Variants in GMDS observed in about 807,000 individuals in gnomAD.
The protein encoded by GMDS is GDP-mannose 4,6-dehydratase.
In GMDS, 20 loss-of-function variants were observed where a neutral mutation model predicts 49.9. The observed-to-expected ratio is 0.40, with a 90% confidence interval of 0.28 to 0.58. GMDS has a LOEUF of 0.58. Among genes scored for constraint, GMDS ranks in the 20% least tolerant of loss-of-function variants. The pLI is 0.42. For synonymous variants in GMDS, 177 were observed against 178.6 expected (o/e 0.99, Z 0.07); for missense variants, 362 against 481.4 (o/e 0.75, Z 2.32).
intron 7 of GMDS, among the ~76,000 whole-genome samples, chr6:1,929,293 G>T (rs1263315003): frequency 2.0e-5 from 3 of 152,180 alleles, no homozygotes; most frequent in African/African-American, 7.2e-5. Flanking sequence ...GGAAATCTGT[G>T]AGCACTTGAA....
At chr6:2,001,346 T>C (rs1766807720) in intron 4 of GMDS, among the ~76,000 whole-genome samples, 1 of 152,206 alleles carries the variant, frequency 6.6e-6, no homozygotes, top group African/African-American at 2.4e-5. Flanking sequence ...GTTGTCTTTT[T>C]ATTACTGAGT....
chr6:1,723,451 T>C (rs1475679655), intron 9 of GMDS, among the ~76,000 whole-genome samples: 1 of 151,784 alleles, frequency 6.6e-6, no homozygotes, highest in Non-Finnish European at 1.5e-5. Context: ...CTCAGCCTCC[T>C]GAGTAGCTGG....
chr6:2,003,201 C>A (rs537406184), intron 4 of GMDS, among the ~76,000 whole-genome samples: 10 of 152,038 alleles, frequency 6.6e-5, no homozygotes, highest in African/African-American at 2.4e-4. Flanking sequence ...AAAACCTTGA[C>A]GACAATGTTG....
intron 1 of GMDS, among the ~76,000 whole-genome samples, chr6:2,226,141 G>C (rs1266908229): frequency 6.6e-6 from 1 of 152,188 alleles, no homozygotes; most frequent in East Asian, 1.9e-4. Flanking sequence ...CCAACACTGA[G>C]CCAGGCCATC....
intron 7 of GMDS, among the ~76,000 whole-genome samples, chr6:1,832,399 C>CAAA (rs34145877): frequency 1.3e-5 from 2 of 151,070 alleles, no homozygotes; most frequent in East Asian, 2.0e-4. Flanking sequence ...TATACCCCTA[C>CAAA]AAAAAAAACA....
At chr6:1,698,353 G>A (rs781229274) in intron 9 of GMDS, among the ~76,000 whole-genome samples, 6 of 152,184 alleles carry the variant, frequency 3.9e-5, no homozygotes, top group Admixed American at 6.5e-5. Flanking sequence ...TCTTTTAAAC[G>A]CAAACCTGGT....
At chr6:1,783,340 G>C (rs554965846) in intron 7 of GMDS, among the ~76,000 whole-genome samples, 31 of 152,310 alleles carry the variant, frequency 2.0e-4, no homozygotes, top group African/African-American at 7.0e-4. Context: ...CGGGGTGCAG[G>C]TGCAAGTCTT....
intron 4 of GMDS, among the ~76,000 whole-genome samples, chr6:2,011,267 C>A (rs1487969354): frequency 6.6e-6 from 1 of 152,038 alleles, no homozygotes; most frequent in East Asian, 1.9e-4. Flanking sequence ...TACAACAGTC[C>A]AAATGACTAT....
chr6:1,992,258 G>A (rs975977730), intron 4 of GMDS, among the ~76,000 whole-genome samples: 2 of 152,084 alleles, frequency 1.3e-5, no homozygotes, highest in African/African-American at 2.4e-5. Context: ...GGCACTCTGC[G>A]AGCCTCTCCA....
intron 1 of GMDS, among the ~76,000 whole-genome samples, chr6:2,179,575 G>A (rs374104501): frequency 6.6e-6 from 1 of 152,160 alleles, no homozygotes; most frequent in Non-Finnish European, 1.5e-5. Context: ...CACCATCTTG[G>A]AAGTAGAGAG....
intron 7 of GMDS, among the ~76,000 whole-genome samples, chr6:1,743,112 A>C (rs754934883): frequency 2.0e-4 from 31 of 152,246 alleles, no homozygotes; most frequent in Non-Finnish European, 2.9e-4. Flanking sequence ...AAACAAAGTA[A>C]GTGCGAATCA....
intron 7 of GMDS, among the ~76,000 whole-genome samples, chr6:1,811,246 C>A (rs1381465679): frequency 6.6e-6 from 1 of 152,090 alleles, no homozygotes; most frequent in Non-Finnish European, 1.5e-5. Flanking sequence ...GAAATATGTC[C>A]TTTTCCATAA....
intron 8 of GMDS, among the ~76,000 whole-genome samples, chr6:1,730,055 G>A (rs558631231): frequency 5.9e-5 from 9 of 152,152 alleles, no homozygotes; most frequent in Middle Eastern, 3.4e-3. Flanking sequence ...TAAGTGGGGC[G>A]GGGGCAACAC....
chr6:1,668,728 A>T (rs1764313427), intron 9 of GMDS, among the ~76,000 whole-genome samples: 1 of 152,198 alleles, frequency 6.6e-6, no homozygotes, highest in South Asian at 2.1e-4. Flanking sequence ...AAACAAACAA[A>T]AAAAACCACT....
At chr6:1,808,589 T>C (rs969478548) in intron 7 of GMDS, among the ~76,000 whole-genome samples, 2 of 152,180 alleles carry the variant, frequency 1.3e-5, no homozygotes, top group Admixed American at 6.5e-5. Context: ...TACAGTTTAG[T>C]ACAGAACTGA....
At chr6:2,158,459 A>T (rs528771974) in intron 1 of GMDS, among the ~76,000 whole-genome samples, 8 of 152,358 alleles carry the variant, frequency 5.3e-5, no homozygotes, top group East Asian at 3.9e-4. Context: ...AGAATTGTAA[A>T]GCAAAATTTC....
At chr6:1,755,240 GACAA>G (rs763536976) in intron 7 of GMDS, among the ~76,000 whole-genome samples, 4 of 152,024 alleles carry the variant, frequency 2.6e-5, no homozygotes, top group Non-Finnish European at 4.4e-5. Flanking sequence ...ACCAATAATA[GACAA>G]ACAGCCAAAT....
intron 4 of GMDS, among the ~76,000 whole-genome samples, chr6:2,058,600 C>T (rs1049231224): frequency 1.3e-5 from 2 of 152,172 alleles, no homozygotes; most frequent in Non-Finnish European, 2.9e-5. Flanking sequence ...ATCTCTCCAA[C>T]TACCATATTC....
intron 9 of GMDS, among the ~76,000 whole-genome samples, chr6:1,634,000 C>T (rs895165979): frequency 6.6e-6 from 1 of 152,214 alleles, no homozygotes; most frequent in Non-Finnish European, 1.5e-5. Flanking sequence ...ATGGAACTGA[C>T]TATAAACTGT....
Sources: gnomAD v4.1 joint callset for allele counts (sites outside exome capture counted in the v4.1 genomes callset) on GRCh38, gnomAD v4.1.1 for gene constraint, MANE v1.5 for transcripts, NCBI Gene and HGNC (gene_info 2026-07-23, HGNC 2026-07-21) for gene names.